CSMD1: variants seen among roughly 807,000 people sequenced by gnomAD.
CSMD1 encodes the protein CUB and Sushi multiple domains 1.
Under a neutral mutation model 417.5 loss-of-function variants are expected in CSMD1, and 213 were observed. The ratio of observed to expected loss-of-function variants is 0.51; its 90% CI spans 0.46 to 0.57. CSMD1 has a LOEUF of 0.57. Among genes scored for constraint, CSMD1 ranks in the 20% least tolerant of loss-of-function variants. The pLI, the probability that CSMD1 is intolerant of heterozygous loss-of-function variation, is 0.00. For missense variants in CSMD1, 6,923 were observed against 4,529.7 expected (o/e 1.53, Z -15.17); for synonymous variants, 2,862 against 1,736.8 (o/e 1.65, Z -16.11).
At chr8:3,523,760 C>G (rs997388073) in intron 10 of CSMD1, among the ~76,000 whole-genome samples, 33 of 148,390 alleles carry the variant, frequency 2.2e-4, no homozygotes, top group African/African-American at 8.6e-4. Context: ...CATGCACACA[C>G]ACATGCACAC....
At chr8:4,211,802 G>A (rs989443379) in intron 3 of CSMD1, among the ~76,000 whole-genome samples, 2 of 152,046 alleles carry the variant, frequency 1.3e-5, no homozygotes, top group Non-Finnish European at 2.9e-5. Flanking sequence ...ACATACTTCT[G>A]GACTTTAGAT....
chr8:3,467,637 G>C (rs1346231916), intron 12 of CSMD1, among the ~76,000 whole-genome samples: 3 of 152,148 alleles, frequency 2.0e-5, no homozygotes, highest in South Asian at 2.1e-4. Flanking sequence ...TTGTAGATGA[G>C]GATACTCCGG....
At chr8:4,201,887 T>G (rs1374496025) in intron 3 of CSMD1, among the ~76,000 whole-genome samples, 48 of 127,768 alleles carry the variant, frequency 3.8e-4, no homozygotes, top group African/African-American at 7.9e-4. Context: ...ATGGAAATTT[T>G]GGGGGGGGGG....
rs983629618 is a variant in CSMD1, at chr8:3,367,119, C to A, written c.3028G>T (p.Ala1010Ser). Residue 1010 changes from alanine to serine, a missense_variant, in exon 20 of 70, where the codon GCA (alanine) becomes TCA (serine). Physicochemically the swap from Ala to Ser is moderately conservative, Grantham distance 99. Coordinates refer to ENST00000635120, the MANE Select transcript of CSMD1 (RefSeq NM_033225.6). ...GCAGTGAAGTTTCCAAACAGGCCTG[C>A]CTTGATCGTATGAGGCAACACCGAC... The part of the protein sequence containing the change: ...TGSVLPHTIK[A>S]GLFGNFTAQL... 6.2e-7 allele frequency: 1 copy of A among 1,613,738 alleles called. No homozygotes were observed. The highest frequency in any genetic ancestry group is 8.5e-7 in the Non-Finnish European group (1 of 1,179,828).
chr8:4,371,870 T>C (rs142729264), intron 3 of CSMD1, among the ~76,000 whole-genome samples: 1,606 of 152,324 alleles, frequency 0.011, 29 homozygotes, highest in African/African-American at 0.036. Flanking sequence ...ATATTTACGA[T>C]TGTGGACTGT....
intron 5 of CSMD1, among the ~76,000 whole-genome samples, chr8:3,822,205 G>A (rs922525160): frequency 6.6e-6 from 1 of 152,030 alleles, no homozygotes; most frequent in African/African-American, 2.4e-5. Context: ...TTCATTCCTT[G>A]ACTAGACACT....
Position 3,367,266 on chromosome 8 carries a change from G to A in CSMD1, c.2900-19C>T, listed in dbSNP as rs564004332. ...TGAACTCCTGAGAAATGAAGCCGGG[G>A]GAGAGAGAGAGAGACAGAGAGAGAC... On this transcript the variant is annotated intron_variant, in intron 19 of 69. Transcript: ENST00000635120. The A allele has an allele frequency of 1.6e-5, 25 of 1,522,332 alleles. No homozygotes were observed. In the African/African-American group the frequency reaches 2.7e-4, roughly 17 times the overall value. The allele number at this position is 1,522,332 out of a possible 1,614,324, so 94.3% of individuals were successfully genotyped here.
chr8:4,119,935 G>A (rs1441438129), intron 3 of CSMD1, among the ~76,000 whole-genome samples: 1 of 127,366 alleles, frequency 7.9e-6, no homozygotes, highest in South Asian at 3.0e-4. Context: ...AGGAGCTGGG[G>A]ATGGTTAATA....
chr8:3,594,595 C>T (rs1331279305), intron 8 of CSMD1, among the ~76,000 whole-genome samples: 2 of 152,130 alleles, frequency 1.3e-5, no homozygotes, highest in African/African-American at 4.8e-5. Context: ...TTTGAAGTTG[C>T]ACGGTGTCCT....
chr8:4,980,285 T>A (rs1181391455), intron 1 of CSMD1, among the ~76,000 whole-genome samples: 1 of 152,196 alleles, frequency 6.6e-6, no homozygotes, highest in Non-Finnish European at 1.5e-5. Flanking sequence ...AGCATGCTGC[T>A]CTTCCCAGAG....
chr8:4,054,341 G>T (rs1473302170), intron 3 of CSMD1, among the ~76,000 whole-genome samples: 3 of 152,102 alleles, frequency 2.0e-5, no homozygotes, highest in African/African-American at 2.4e-5. Context: ...AGGAATGTGT[G>T]GTTTGATCTA....
chr8:4,596,921 A>C (rs1289831390), intron 2 of CSMD1, among the ~76,000 whole-genome samples: 1 of 152,150 alleles, frequency 6.6e-6, no homozygotes, highest in Non-Finnish European at 1.5e-5. Flanking sequence ...TGGGTTTATC[A>C]GGGGTTTCCG....
chr8:4,424,353 A>G (rs944788335), intron 2 of CSMD1, among the ~76,000 whole-genome samples: 7 of 151,958 alleles, frequency 4.6e-5, no homozygotes, highest in African/African-American at 1.7e-4. Context: ...ACAAAAGGCA[A>G]ACAATCCAAT....
At chr8:3,761,335 C>T (rs1164419473) in intron 5 of CSMD1, among the ~76,000 whole-genome samples, 1 of 151,904 alleles carries the variant, frequency 6.6e-6, no homozygotes, top group Non-Finnish European at 1.5e-5. Flanking sequence ...TACATAGTTA[C>T]CAATATTTCT....
At chr8:4,824,801 C>A (rs889491159) in intron 1 of CSMD1, among the ~76,000 whole-genome samples, 1 of 152,096 alleles carries the variant, frequency 6.6e-6, no homozygotes, top group Non-Finnish European at 1.5e-5. Context: ...TTAATGTACT[C>A]GGAGGAAATG....
chr8:4,257,835 A>C (rs1181291089), intron 3 of CSMD1, among the ~76,000 whole-genome samples: 1 of 152,220 alleles, frequency 6.6e-6, no homozygotes, highest in East Asian at 1.9e-4. Flanking sequence ...GGGAATACAG[A>C]AAGTAAGCAG....
At chr8:4,185,543 C>G (rs11136710) in intron 3 of CSMD1, among the ~76,000 whole-genome samples, 24,828 of 151,966 alleles carry the variant, frequency 0.16, 2,147 homozygotes, top group East Asian at 0.28. Flanking sequence ...GAGAAACATG[C>G]GCTAATTTTT....
chr8:4,577,166 T>A (rs1404625046), intron 2 of CSMD1, among the ~76,000 whole-genome samples: 1 of 152,208 alleles, frequency 6.6e-6, no homozygotes, highest in East Asian at 1.9e-4. Flanking sequence ...TGCACTGATT[T>A]TTAATACATT....
At chr8:4,681,648 C>T (rs923367918) in intron 1 of CSMD1, among the ~76,000 whole-genome samples, 14 of 152,128 alleles carry the variant, frequency 9.2e-5, no homozygotes, top group African/African-American at 2.9e-4. Flanking sequence ...GTTGCTGGCA[C>T]GTCAATCCTG....
Sources: gnomAD v4.1 joint callset for allele counts (sites outside exome capture counted in the v4.1 genomes callset) on GRCh38, gnomAD v4.1.1 for gene constraint, MANE v1.5 for transcripts, NCBI Gene and HGNC (gene_info 2026-07-23, HGNC 2026-07-21) for gene names.